The following FBXW8 variants were observed in gnomAD, a reference collection of about 807,000 sequenced individuals.
FBXW8 encodes F-box/WD repeat-containing protein 8.
A neutral mutation model predicts 65.3 loss-of-function variants in FBXW8; 57 were observed. The observed-to-expected ratio is 0.87, with a 90% CI of 0.71 to 1.09. The LOEUF (loss-of-function observed/expected upper bound fraction) is 1.09, where lower values mean the gene tolerates loss of function less well. FBXW8 is among the 50% of genes least tolerant of loss of function. FBXW8 has a pLI of 0.00. For synonymous variants in FBXW8, 308 were observed against 330.2 expected (o/e 0.93, Z 0.73); for missense variants, 777 against 814.8 (o/e 0.95, Z 0.57).
At chr12:117,025,748 C>T (rs955960093) in intron 9 of FBXW8, among the ~76,000 whole-genome samples, 3 of 152,216 alleles carry the variant, frequency 2.0e-5, no homozygotes, top group African/African-American at 7.2e-5. Flanking sequence ...GCAACTAAAA[C>T]TCCCGCACTG....
intron 8 of FBXW8, among the ~76,000 whole-genome samples, chr12:117,018,600 G>A (rs182908250): frequency 7.5e-6 from 1 of 132,710 alleles, no homozygotes; most frequent in Middle Eastern, 4.0e-3. Flanking sequence ...TGTTTCTGTC[G>A]ACGAGAAGCC....
intron 7 of FBXW8, among the ~76,000 whole-genome samples, chr12:117,009,344 A>G (rs1413555386): frequency 6.7e-6 from 1 of 150,218 alleles, no homozygotes; most frequent in Non-Finnish European, 1.5e-5. Context: ...GTGAGCTATA[A>G]TGTTGCCACT....
In FBXW8 at chr12:116,988,783, G is replaced by A. The variant is rs760584211; in HGVS notation, c.1153G>A (p.Gly385Ser). Reference protein sequence around the residue: ...DSARTLLYAHGPPVTCLDVSA... With the variant: ...DSARTLLYAHSPPVTCLDVSA... ...CGCCAGAACCCTCCTTTACGCCCACGGCCCGCCTGTCACATGTCTAGACGT... is the reference window on the plus strand; with the variant it reads ...CGCCAGAACCCTCCTTTACGCCCACAGCCCGCCTGTCACATGTCTAGACGT... The change falls in exon 7 of 11, where the codon GGC (glycine) becomes AGC (serine). Residue 385 changes from glycine to serine, a missense_variant. Coordinates refer to ENST00000652555, the MANE Select transcript of FBXW8 (RefSeq NM_153348.3). 1 of 1,614,124 alleles carries A rather than the reference G, an allele frequency of 6.2e-7. No individual in the cohort carries two copies. The highest frequency in any genetic ancestry group is 2.2e-5 in the East Asian group (1 of 44,884).
At chr12:116,931,707 T>C (rs1017097704) in intron 2 of FBXW8, among the ~76,000 whole-genome samples, 4 of 152,302 alleles carry the variant, frequency 2.6e-5, no homozygotes, top group South Asian at 2.1e-4. Flanking sequence ...GATTTTTGTA[T>C]ATTGATTTTG....
chr12:116,928,112 A>G lies in FBXW8; in HGVS notation c.408A>G (p.Leu136=). The change falls in exon 2 of 11, where the codon CTA becomes CTG. Residue 136 remains leucine (L), a synonymous_variant. Coordinates refer to ENST00000652555, the MANE Select transcript of FBXW8 (RefSeq NM_153348.3). ...NIFQYLDRKE[L]GRCAQVSKTW... Reference sequence around the variant, plus strand: ...TTCAGTATCTGGACAGGAAAGAACTAGGAAGATGTGCACAGGTAAGGTGTC... The same window carrying G: ...TTCAGTATCTGGACAGGAAAGAACTGGGAAGATGTGCACAGGTAAGGTGTC... 1 of 1,608,472 alleles carries G rather than the reference A, an allele frequency of 6.2e-7. No individual in the cohort carries two copies. The highest frequency in any genetic ancestry group is 1.1e-5 in the South Asian group (1 of 89,982).
At chr12:117,023,419 T>A (rs1954148171) in intron 8 of FBXW8, among the ~76,000 whole-genome samples, 1 of 152,220 alleles carries the variant, frequency 6.6e-6, no homozygotes, top group Non-Finnish European at 1.5e-5. Flanking sequence ...AGCCTTTGGC[T>A]TATTGTAGAA....
chr12:117,000,572 A>G (rs1263028420), intron 7 of FBXW8, among the ~76,000 whole-genome samples: 1 of 152,248 alleles, frequency 6.6e-6, no homozygotes, highest in East Asian at 1.9e-4. Context: ...ACAAGTGCCC[A>G]GAGCAGCGGA....
chr12:116,951,071 C>G (rs535426479), intron 4 of FBXW8: 1 of 152,240 alleles, frequency 6.6e-6, no homozygotes, highest in Non-Finnish European at 1.5e-5. Flanking sequence ...AGGCCCCCTA[C>G]GAGTCCAGAT....
At chr12:117,023,047 C>T (rs1954138646) in intron 8 of FBXW8, among the ~76,000 whole-genome samples, 1 of 152,154 alleles carries the variant, frequency 6.6e-6, no homozygotes, top group Non-Finnish European at 1.5e-5. Flanking sequence ...ACTTTGAGTC[C>T]TTTTCTGTTA....
rs1032863789 is a variant in FBXW8, at chr12:117,030,328, A to G, written c.*2156A>G. On this transcript the variant is annotated 3_prime_UTR_variant, in exon 11 of 11. Transcript: ENST00000652555. ...ACCGGAGGGTTTTCTGCTTCCTTTC[A>G]ACCAGATAACTTCCTAAGTGGAGAT... The G allele has an allele frequency of 6.6e-6, 1 of 152,120 alleles. No individual in the cohort carries two copies. Among genetic ancestry groups the G allele is most frequent in the Non-Finnish European group, 1.5e-5 (1 of 68,020 alleles). 9.4% of individuals were successfully genotyped at this position (152,120 alleles called of 1,614,324 possible).
Position 116,961,288 on chromosome 12 carries a change from C to T in FBXW8, c.678-3409C>T, listed in dbSNP as rs763278781. Among the ~76,000 whole-genome samples the T allele has an allele frequency of 5.9e-5, 9 of 152,282 alleles. No individual in the cohort carries two copies. The highest frequency in any genetic ancestry group is 5.8e-4 in the East Asian group (3 of 5,170). On this transcript the variant is annotated intron_variant, in intron 4 of 10. Transcript: ENST00000652555. This position sits in a 1 kb window ranked among gnomAD's most constrained non-coding sequence, Gnocchi z 4.4. ...TGCTGGGATTACAGGCATGAGCCAC[C>T]GTGCCCGGCCTGTATCTGCACTTTT...
intron 9 of FBXW8, 148 bp from the exon 10 acceptor site, chr12:117,027,246 C>T: frequency 1.5e-6 from 1 of 656,296 alleles, no homozygotes; most frequent in African/African-American, 1.8e-5. Flanking sequence ...TGAGACACTG[C>T]TTCCATGGGG....
intron 8 of FBXW8, among the ~76,000 whole-genome samples, chr12:117,011,097 C>T (rs901792664): frequency 2.2e-4 from 33 of 151,030 alleles, no homozygotes; most frequent in Non-Finnish European, 4.1e-4. Flanking sequence ...GGTTTCTCCC[C>T]GCCTCTTCTT....
At chr12:116,968,591 A>G (rs1467636064) in intron 5 of FBXW8, among the ~76,000 whole-genome samples, 2 of 152,204 alleles carry the variant, frequency 1.3e-5, no homozygotes, top group Non-Finnish European at 2.9e-5. Flanking sequence ...TGTAAAGATG[A>G]CATTTCACAC....
intron 1 of FBXW8, among the ~76,000 whole-genome samples, chr12:116,921,804 A>G (rs1880923846): frequency 7.2e-6 from 1 of 138,596 alleles, no homozygotes; most frequent in Non-Finnish European, 1.6e-5. Flanking sequence ...CATTGTTAAC[A>G]TTTTGGTGTA....
At position 116,988,889 on chromosome 12, in the gene FBXW8, T is replaced by C; in HGVS notation, c.1239+20T>C. On this transcript the variant is annotated intron_variant, in intron 7 of 10. Coordinates refer to ENST00000652555, the MANE Select transcript of FBXW8 (RefSeq NM_153348.3). ...AGCAAGGTACACAACTAGCAAGATA[T>C]ATAATTAACAAAAAAGAATATAGAT... 5 of 1,592,702 alleles carry C rather than the reference T, an allele frequency of 3.1e-6. No individual in the cohort carries two copies. The highest frequency in any genetic ancestry group is 4.3e-6 in the Non-Finnish European group (5 of 1,163,728).
intron 8 of FBXW8, among the ~76,000 whole-genome samples, chr12:117,017,617 C>T (rs1186858120): frequency 6.6e-6 from 1 of 152,074 alleles, no homozygotes; most frequent in Non-Finnish European, 1.5e-5. Context: ...TCAGTGAGAG[C>T]AAACAGAATC....
At chr12:116,945,970 T>G (rs1882903420) in intron 3 of FBXW8, among the ~76,000 whole-genome samples, 2 of 152,222 alleles carry the variant, frequency 1.3e-5, no homozygotes, top group Non-Finnish European at 2.9e-5. Flanking sequence ...TTCTCTTCCC[T>G]CACATAACCT....
intron 9 of FBXW8, among the ~76,000 whole-genome samples, chr12:117,026,283 T>TGGGTGTCCCAAC (rs1565948532): frequency 1.4e-5 from 2 of 147,584 alleles, no homozygotes; most frequent in Non-Finnish European, 1.5e-5. Flanking sequence ...TTTCCTTCAG[T>TGGGTGTCCCAAC]CCTCCAGGCT....
Sources: allele counts gnomAD v4.1 joint callset (sites outside exome capture counted in the v4.1 genomes callset), GRCh38; gene constraint gnomAD v4.1.1; non-coding constraint Gnocchi (gnomAD v3.1); transcripts MANE v1.5; gene names NCBI Gene and HGNC (gene_info 2026-07-23, HGNC 2026-07-21).